Variants in HTR1F observed in about 807,000 individuals in gnomAD.
HTR1F encodes the protein 5-hydroxytryptamine receptor 1F.
In HTR1F, 17 loss-of-function variants were observed where a neutral mutation model predicts 24.0. That is an observed-to-expected ratio of 0.71 (90% CI 0.48 to 1.06). The LOEUF (loss-of-function observed/expected upper bound fraction) is 1.06. Ranked by LOEUF, HTR1F falls within the 50% of genes least tolerant of loss-of-function variation. HTR1F has a pLI of 0.00. For synonymous variants in HTR1F, 186 were observed against 156.8 expected, an observed-to-expected ratio of 1.19 and a Z score of -1.39; for missense variants, 391 against 427.8, an observed-to-expected ratio of 0.91 and a Z score of 0.76.
At chr3:87,943,799 G>A (rs140456841) in intron 2 of HTR1F, among the ~76,000 whole-genome samples, 16,596 of 151,892 alleles carry the variant, frequency 0.11, 885 homozygotes, top group Non-Finnish European at 0.15. Context: ...CCCCCTTGAA[G>A]AGGATATCAT....
In HTR1F at chr3:87,993,772, G is replaced by T. The variant is rs185372845; in HGVS notation, c.*1922G>T. On this transcript the variant is annotated 3_prime_UTR_variant, in exon 3 of 3. Coordinates refer to ENST00000319595, the MANE Select transcript of HTR1F (RefSeq NM_001322209.2). ...GTCTACAGTCAATTTTATTGCTGAC[G>T]ATGGGTAATCACTGATACTTTTAGC... is the stretch of plus-strand genomic sequence containing the variant. 379 of 167,132 alleles carry T rather than the reference G, an allele frequency of 2.3e-3. 1 individual carries two copies. The highest frequency in any genetic ancestry group is 4.2e-3 in the Non-Finnish European group (286 of 68,110). The allele number at this position is 167,132 out of a possible 1,614,324, so 10.4% of individuals were successfully genotyped here. A position where few individuals can be genotyped will look rare whatever the true frequency, so the allele number is the denominator to read the frequency against.
At chr3:87,958,756 G>C (rs1417422337) in intron 2 of HTR1F, among the ~76,000 whole-genome samples, 7 of 151,520 alleles carry the variant, frequency 4.6e-5, no homozygotes, top group African/African-American at 1.5e-4. Flanking sequence ...TGTAGTCTCT[G>C]TTATTTTGCC....
At chr3:87,844,941 T>C (rs575967382) in intron 2 of HTR1F, among the ~76,000 whole-genome samples, 1 of 149,606 alleles carries the variant, frequency 6.7e-6, no homozygotes, top group Admixed American at 6.6e-5. Flanking sequence ...TGTAGCCTTG[T>C]AGTATAGTTT....
chr3:87,881,574 A>ATCTT (rs1705801346), intron 2 of HTR1F, among the ~76,000 whole-genome samples: 1 of 152,174 alleles, frequency 6.6e-6, no homozygotes, highest in Non-Finnish European at 1.5e-5. Context: ...CAACTATCTG[A>ATCTT]TCTTTGACAA....
intron 2 of HTR1F, among the ~76,000 whole-genome samples, chr3:87,840,009 G>C (rs180991931): frequency 1.3e-5 from 2 of 151,960 alleles, no homozygotes; most frequent in African/African-American, 4.8e-5. Context: ...ACCTACCACC[G>C]ATGGACAGAT....
At chr3:87,969,198 C>T (rs564223640) in intron 2 of HTR1F, among the ~76,000 whole-genome samples, 2 of 152,326 alleles carry the variant, frequency 1.3e-5, no homozygotes, top group South Asian at 4.1e-4. Flanking sequence ...ACACAGATTC[C>T]CCACTGGGGC....
In HTR1F at chr3:87,936,456, A is replaced by G. The variant is rs527613032; in HGVS notation, c.-42-54252A>G. 4.6e-4 allele frequency among the ~76,000 whole-genome samples: 70 copies of G among 152,200 alleles called. 3 individuals are homozygous for G. Among genetic ancestry groups the G allele is most frequent in the Non-Finnish European group, 2.1e-4 (14 of 68,036 alleles). ...GATTTATCTTTTTAAAAACTTTATC[A>G]TCTAGTTATTAACCACATTGCAGAA... On this transcript the variant is annotated intron_variant, in intron 2 of 2. Coordinates refer to ENST00000319595, the MANE Select transcript of HTR1F (RefSeq NM_001322209.2).
At chr3:87,953,888 A>C (rs1194155164) in intron 2 of HTR1F, among the ~76,000 whole-genome samples, 1 of 151,866 alleles carries the variant, frequency 6.6e-6, no homozygotes, top group African/African-American at 2.4e-5. Flanking sequence ...TTGCAGCAAC[A>C]TGGATGAAAA....
intron 2 of HTR1F, among the ~76,000 whole-genome samples, chr3:87,888,456 T>C (rs762709574): frequency 3.9e-5 from 6 of 151,916 alleles, no homozygotes; most frequent in Non-Finnish European, 5.9e-5. Flanking sequence ...ACCCTAGAAC[T>C]TAAAGTATAA....
At chr3:87,975,539 C>G (rs1705375534) in intron 2 of HTR1F, among the ~76,000 whole-genome samples, 2 of 152,080 alleles carry the variant, frequency 1.3e-5, no homozygotes, top group South Asian at 4.1e-4. Flanking sequence ...CAGTGTGTAT[C>G]TTTGCATTCC....
intron 2 of HTR1F, among the ~76,000 whole-genome samples, chr3:87,942,903 T>C (rs895457344): frequency 3.9e-5 from 6 of 152,158 alleles, no homozygotes; most frequent in Non-Finnish European, 2.9e-5. Context: ...GATAAACTTA[T>C]CCTTTAAGAT....
At chr3:87,920,224 A>G (rs935909465) in intron 2 of HTR1F, among the ~76,000 whole-genome samples, 2 of 151,846 alleles carry the variant, frequency 1.3e-5, no homozygotes, top group Non-Finnish European at 2.9e-5. Flanking sequence ...CATAAGAATG[A>G]CACGATGGAC....
At chr3:87,799,753 A>T (rs570208684) in intron 1 of HTR1F, among the ~76,000 whole-genome samples, 2 of 152,186 alleles carry the variant, frequency 1.3e-5, no homozygotes, top group Admixed American at 1.3e-4. Context: ...ACATCCTGGC[A>T]TTGGGGTAAA....
chr3:87,987,377 A>G (rs1358307097), intron 2 of HTR1F, among the ~76,000 whole-genome samples: 3 of 151,488 alleles, frequency 2.0e-5, no homozygotes, highest in African/African-American at 7.3e-5. Flanking sequence ...ATAGCTAAAG[A>G]CTGTGAGGTT....
intron 2 of HTR1F, among the ~76,000 whole-genome samples, chr3:87,933,803 C>A (rs898115840): frequency 2.0e-5 from 3 of 152,130 alleles, no homozygotes; most frequent in Non-Finnish European, 1.5e-5. Context: ...ACATTCAATG[C>A]CATAGTCTTT....
chr3:87,961,233 A>G (rs1705053910), intron 2 of HTR1F, among the ~76,000 whole-genome samples: 1 of 152,030 alleles, frequency 6.6e-6, no homozygotes, highest in Non-Finnish European at 1.5e-5. Context: ...AAGTCCAAAG[A>G]GCATAGATTG....
chr3:87,845,317 T>G (rs181858460), intron 2 of HTR1F, among the ~76,000 whole-genome samples: 2,918 of 151,872 alleles, frequency 0.019, 134 homozygotes, highest in African/African-American at 0.067. Flanking sequence ...ATGACATGAT[T>G]GTATATCTAG....
intron 2 of HTR1F, among the ~76,000 whole-genome samples, chr3:87,932,581 G>A (rs1475017361): frequency 6.6e-6 from 1 of 152,142 alleles, no homozygotes; most frequent in Non-Finnish European, 1.5e-5. Context: ...ATTCTGTGAA[G>A]AAAGTCATTG....
At chr3:87,919,973 G>A in intron 2 of HTR1F, among the ~76,000 whole-genome samples, 1 of 150,536 alleles carries the variant, frequency 6.6e-6, no homozygotes, top group East Asian at 1.9e-4. Context: ...CAACCCAAAT[G>A]CCCATCAATC....
Sources: allele counts gnomAD v4.1 joint callset (sites outside exome capture counted in the v4.1 genomes callset), GRCh38; gene constraint gnomAD v4.1.1; transcripts MANE v1.5; gene names NCBI Gene and HGNC (gene_info 2026-07-23, HGNC 2026-07-21).